The following MIDEAS variants were observed in gnomAD, a reference collection of about 807,000 sequenced individuals.
MIDEAS encodes the protein mitotic deacetylase associated SANT domain protein.
MIDEAS carries 26 observed loss-of-function variants against 102.7 expected under a neutral mutation model. That is an observed-to-expected ratio of 0.25 (90% CI 0.19 to 0.35). The LOEUF is 0.35. Ranked by LOEUF, MIDEAS falls within the 10% of genes least tolerant of loss-of-function variation. The probability of loss-of-function intolerance (pLI) is 1.00; values close to 1 mark genes in which losing one functional copy is unlikely to be tolerated. For missense variants in MIDEAS, 1,231 were observed against 1,435.6 expected (o/e 0.86, Z 2.30); for synonymous variants, 585 against 591.0 (o/e 0.99, Z 0.15).
At chr14:73,734,237 C>T (rs1364445482) in intron 3 of MIDEAS, among the ~76,000 whole-genome samples, 1 of 152,186 alleles carries the variant, frequency 6.6e-6, no homozygotes, top group Non-Finnish European at 1.5e-5. Context: ...CCCACCATGG[C>T]CTCCCAAAGT....
upstream of MIDEAS, among the ~76,000 whole-genome samples, chr14:73,763,634 A>T (rs1366013812): frequency 6.6e-6 from 1 of 152,164 alleles, no homozygotes; most frequent in Non-Finnish European, 1.5e-5. Flanking sequence ...TGGGAGTACA[A>T]ATATTGTTGA....
chr14:73,758,407 C>T (rs971966470), intron 1 of MIDEAS, among the ~76,000 whole-genome samples: 4 of 152,218 alleles, frequency 2.6e-5, no homozygotes, highest in Non-Finnish European at 4.4e-5. Context: ...ACTGGCTTCT[C>T]GGTCCACCTT....
intron 1 of MIDEAS, among the ~76,000 whole-genome samples, chr14:73,771,118 CT>C (rs994017720): frequency 7.2e-5 from 11 of 152,314 alleles, no homozygotes; most frequent in South Asian, 2.1e-4. Context: ...CTGAGTACCC[CT>C]AATGAGCATC....
Position 73,737,266 on chromosome 14 carries a change from CT to C in MIDEAS, c.1480del (p.Ser494ValfsTer18). ...DGSGSEEKRK[S>X]VLASTTKCGV... ...ACACTTGGTAGTTGAGGCCAATACACTTTTCCGCTTCTCTTCAGAACCACTG... is the reference window on the plus strand; with the variant it reads ...ACACTTGGTAGTTGAGGCCAATACACTTTCCGCTTCTCTTCAGAACCACTG... On this transcript the variant is annotated frameshift_variant, in exon 3 of 13. Transcript: ENST00000423556. LOFTEE classifies it high-confidence loss of function. 1 of 1,612,540 alleles carries C rather than the reference CT, an allele frequency of 6.2e-7. No homozygotes were observed. Among genetic ancestry groups the C allele is most frequent in the Non-Finnish European group, 8.5e-7 (1 of 1,178,680 alleles).
intron 3 of MIDEAS, 195 bp from the exon 4 acceptor site, chr14:73,730,180 C>T (rs1284314608): frequency 4.2e-6 from 3 of 718,984 alleles, no homozygotes; most frequent in Admixed American, 4.0e-5. Flanking sequence ...CAAACTTTTT[C>T]TGTAAGGGGC....
At chr14:73,783,765 A>G (rs897623635) in intron 1 of MIDEAS, among the ~76,000 whole-genome samples, 1 of 152,182 alleles carries the variant, frequency 6.6e-6, no homozygotes, top group African/African-American at 2.4e-5. Context: ...AGAAATGAAG[A>G]GGGGCACATT....
At chr14:73,779,618 T>C (rs62006092) in intron 1 of MIDEAS, among the ~76,000 whole-genome samples, 98,001 of 130,498 alleles carry the variant, frequency 0.75, 37,846 homozygotes, top group African/African-American at 0.9. Context: ...TCGCCCAGGC[T>C]GGACTGCGGA....
intron 1 of MIDEAS, among the ~76,000 whole-genome samples, chr14:73,753,140 C>T (rs552555004): frequency 2.6e-5 from 4 of 152,340 alleles, no homozygotes; most frequent in Non-Finnish European, 5.9e-5. Flanking sequence ...TGTGCCTGGC[C>T]GAGCAGTCCC....
At chr14:73,733,973 G>A (rs918150490) in intron 3 of MIDEAS, among the ~76,000 whole-genome samples, 5 of 151,372 alleles carry the variant, frequency 3.3e-5, no homozygotes, top group South Asian at 2.1e-4. Context: ...GATTACAGGC[G>A]TGAGCCAGGA....
intron 1 of MIDEAS, among the ~76,000 whole-genome samples, chr14:73,779,000 C>T (rs1424105589): frequency 6.6e-6 from 1 of 151,794 alleles, no homozygotes; most frequent in Non-Finnish European, 1.5e-5. Context: ...TCAAGCTTAG[C>T]AGAAGACAGA....
intron 1 of MIDEAS, among the ~76,000 whole-genome samples, chr14:73,755,393 T>A (rs1241618965): frequency 6.6e-6 from 1 of 152,218 alleles, no homozygotes; most frequent in Non-Finnish European, 1.5e-5. Context: ...TGGTGTTTCC[T>A]TCACCGTTGC....
Position 73,742,896 on chromosome 14 carries a change from A to T in MIDEAS, c.-247-2641T>A, listed in dbSNP as rs555383701. Among the ~76,000 whole-genome samples the T allele has an allele frequency of 6.6e-6, 1 of 152,258 alleles. No homozygotes were observed. Among genetic ancestry groups the T allele is most frequent in the Admixed American group, 6.5e-5 (1 of 15,296 alleles). On this transcript the variant is annotated intron_variant, in intron 1 of 12. Transcript: ENST00000423556. The surrounding 1 kb of genome is among the most constrained non-coding windows in gnomAD (Gnocchi z 4.4). ...CTAAGTAGTCATAGGAGTAATGATGATGGTGATGGTGCACCCGTGCCAGGC... is the reference window on the plus strand; with the variant it reads ...CTAAGTAGTCATAGGAGTAATGATGTTGGTGATGGTGCACCCGTGCCAGGC...
At chr14:73,757,048 G>A (rs1296057386) in intron 1 of MIDEAS, among the ~76,000 whole-genome samples, 1 of 151,900 alleles carries the variant, frequency 6.6e-6, no homozygotes, top group East Asian at 1.9e-4. Context: ...CAAAGTGGGT[G>A]GATTTCTTGA....
intron 1 of MIDEAS, 67 bp from the exon 2 acceptor site, chr14:73,740,322 G>A: frequency 2.5e-6 from 1 of 400,318 alleles, no homozygotes; most frequent in Non-Finnish European, 4.4e-6. Context: ...ATCAGCACAA[G>A]TGTAAGAAAA....
At chr14:73,727,270 C>T (rs1432428851) in intron 5 of MIDEAS, 188 bp downstream of exon 5, 4 of 672,510 alleles carry the variant, frequency 5.9e-6, no homozygotes, top group Non-Finnish European at 1.0e-5. Context: ...CCTTGCCCTT[C>T]CCTGCAACTT....
At chr14:73,732,066 C>G (rs1470707404) in intron 3 of MIDEAS, among the ~76,000 whole-genome samples, 1 of 152,180 alleles carries the variant, frequency 6.6e-6, no homozygotes, top group African/African-American at 2.4e-5. Flanking sequence ...GGACCTAGCT[C>G]CTCATCTATA....
At position 73,718,706 on chromosome 14, in the gene MIDEAS, T is replaced by C. The variant is rs1234669007; in HGVS notation, c.*137A>G. ...ATAAATAAAAGAGCCGTTTATGTCA[T>C]TGTCTCATTTGTTTCGCAGGGAAAA... On this transcript the variant is annotated 3_prime_UTR_variant, in exon 13 of 13. Transcript: ENST00000423556. 5 of 854,892 alleles carry C rather than the reference T, an allele frequency of 5.8e-6. No individual in the cohort carries two copies. The highest frequency in any genetic ancestry group is 7.0e-5 in the East Asian group (2 of 28,456). The allele number at this position is 854,892 out of a possible 1,614,324, so 53.0% of individuals were successfully genotyped here.
Position 73,736,964 on chromosome 14 carries a change from C to T in MIDEAS, c.1749+34G>A, listed in dbSNP as rs776495245. 28 of 1,594,588 alleles carry T rather than the reference C, an allele frequency of 1.8e-5. No individual in the cohort carries two copies. The Admixed American group carries it at 2.2e-4, about 12-fold the overall frequency. On this transcript the variant is annotated intron_variant, in intron 3 of 12. Coordinates refer to ENST00000423556, the MANE Select transcript of MIDEAS (RefSeq NM_001367710.1). Reference sequence around the variant, plus strand: ...GTCCTGGGCCCCCTGAGCACTCACGCGCTGGAGGTGTTTAGAAGGGGCGCC... The same window carrying T: ...GTCCTGGGCCCCCTGAGCACTCACGTGCTGGAGGTGTTTAGAAGGGGCGCC...
upstream of MIDEAS, among the ~76,000 whole-genome samples, chr14:73,764,355 A>C (rs1322534569): frequency 5.8e-4 from 88 of 151,062 alleles, 1 homozygote; most frequent in African/African-American, 1.9e-3. Flanking sequence ...AAAAAAAAAA[A>C]AAAAAAAACA....
Sources: allele counts gnomAD v4.1 joint callset (sites outside exome capture counted in the v4.1 genomes callset), GRCh38; gene constraint gnomAD v4.1.1; non-coding constraint Gnocchi (gnomAD v3.1); transcripts MANE v1.5; gene names NCBI Gene and HGNC (gene_info 2026-07-23, HGNC 2026-07-21).